The following PSMC2 variants were observed in gnomAD, a reference collection of about 807,000 sequenced individuals.
PSMC2 encodes proteasome 26S subunit, ATPase 2, also known as 26S proteasome regulatory subunit 7.
PSMC2 carries 7 observed loss-of-function variants against 53.3 expected under a neutral mutation model. The observed-to-expected ratio is 0.13, with a 90% CI of 0.07 to 0.25. The LOEUF is 0.25. Among genes scored for constraint, PSMC2 ranks in the 10% least tolerant of loss-of-function variants. The probability of loss-of-function intolerance (pLI) is 1.00; values close to 1 mark genes in which losing one functional copy is unlikely to be tolerated. For missense variants in PSMC2, 241 were observed against 544.0 expected (o/e 0.44, Z 5.54); for synonymous variants, 169 against 183.9 (o/e 0.92, Z 0.66).
chr7:103,362,209 G>T lies in PSMC2; in HGVS notation c.422+121G>T, dbSNP rs1157014055. The T allele has an allele frequency of 1.1e-5, 16 of 1,511,632 alleles. No homozygotes were observed. In the East Asian group the frequency reaches 3.4e-4, roughly 32 times the overall value. The allele number at this position is 1,511,632 out of a possible 1,614,324, so 93.6% of individuals were successfully genotyped here. On this transcript the variant is annotated intron_variant, in intron 5 of 11. Transcript: ENST00000292644. ...CCTTGGAATACCAAAGGATGATCTA[G>T]TAATGTACTATAGTTGAAAATTCTG... is the stretch of plus-strand genomic sequence containing the variant.
intron 7 of PSMC2, 22 bp from the exon 8 acceptor site, chr7:103,364,121 G>GAA (rs897454161): frequency 1.2e-6 from 2 of 1,609,028 alleles, no homozygotes; most frequent in Middle Eastern, 1.7e-4. Flanking sequence ...TGGTAAGTGT[G>GAA]AAAATTGTGT....
rs1394695050 is a variant in PSMC2, at chr7:103,367,004, C to CA, written c.845-408dup. ...ATTTTTAGTAGAGACGTGGTTTCAC[C>CA]ATGTTGGCCAGGCTGGTCTCGAACT... On this transcript the variant is annotated intron_variant, in intron 9 of 11. Transcript: ENST00000292644. This position sits in a 1 kb window ranked among gnomAD's most constrained non-coding sequence, Gnocchi z 6.1. Among the ~76,000 whole-genome samples, 1 of 152,110 alleles carries CA rather than the reference C, an allele frequency of 6.6e-6. No individual in the cohort carries two copies. Among genetic ancestry groups the CA allele is most frequent in the Non-Finnish European group, 1.5e-5 (1 of 68,026 alleles).
intron 9 of PSMC2, among the ~76,000 whole-genome samples, chr7:103,366,726 G>A (rs1370103313): frequency 6.6e-6 from 1 of 152,050 alleles, no homozygotes; most frequent in Non-Finnish European, 1.5e-5. Context: ...ATTGATGGTG[G>A]TTTTTCTTAG....
At chr7:103,365,195 T>C (rs1820647468) in intron 8 of PSMC2, among the ~76,000 whole-genome samples, 2 of 152,056 alleles carry the variant, frequency 1.3e-5, no homozygotes, top group South Asian at 4.1e-4. Flanking sequence ...GAATGGTTCC[T>C]TTATTTAACT....
chr7:103,354,064 T>A, intron 2 of PSMC2, 106 bp downstream of exon 2: 1 of 851,190 alleles, frequency 1.2e-6, no homozygotes, highest in Non-Finnish European at 1.8e-6. Flanking sequence ...AAACCAAAAA[T>A]TAAAAAACCA....
chr7:103,363,311 A>C lies in PSMC2; in HGVS notation c.496-33A>C, dbSNP rs749988106. The C allele has an allele frequency of 7.2e-6, 11 of 1,534,978 alleles. No homozygotes were observed. In the South Asian group the frequency reaches 1.1e-4, roughly 16 times the overall value. The stretch of plus-strand genomic sequence containing the variant: ...TTGGACAGTATCCAAAAAGCCTGTG[A>C]CTGTATGTTGTACATTTCTGTCCCT... On this transcript the variant is annotated intron_variant, in intron 6 of 11. Coordinates refer to ENST00000292644, the MANE Select transcript of PSMC2 (RefSeq NM_002803.4).
At chr7:103,364,071 T>G in intron 7 of PSMC2, 72 bp from the exon 8 acceptor site, 3 of 1,419,762 alleles carry the variant, frequency 2.1e-6, no homozygotes, top group Non-Finnish European at 1.9e-6. Context: ...TAAAAGCACT[T>G]TGTTGATTTA....
In PSMC2 at chr7:103,367,832, T is replaced by C. The variant is rs955214265; in HGVS notation, c.1144+23T>C. 3.7e-6 allele frequency: 6 copies of C among 1,612,022 alleles called. No individual in the cohort carries two copies. The highest frequency in any genetic ancestry group is 4.2e-6 in the Non-Finnish European group (5 of 1,179,118). Reference sequence around the variant, plus strand: ...CTGGTAAGTAGAAAGTTCTTGCTTATATTTGCTGGTCTGTCTGCTCAGGCT... The same window carrying C: ...CTGGTAAGTAGAAAGTTCTTGCTTACATTTGCTGGTCTGTCTGCTCAGGCT... On this transcript the variant is annotated intron_variant, in intron 11 of 11. Coordinates refer to ENST00000292644, the MANE Select transcript of PSMC2 (RefSeq NM_002803.4). The surrounding 1 kb of genome is among the most constrained non-coding windows in gnomAD (Gnocchi z 6.1).
intron 8 of PSMC2, among the ~76,000 whole-genome samples, chr7:103,365,194 CTTTAT>C (rs1358018643): frequency 1.3e-5 from 2 of 151,858 alleles, no homozygotes; most frequent in Non-Finnish European, 2.9e-5. Flanking sequence ...AGAATGGTTC[CTTTAT>C]TTAACTATTA....
At position 103,362,014 on chromosome 7, in the gene PSMC2, G is replaced by A; in HGVS notation, c.348G>A (p.Lys116=). The A allele has an allele frequency of 6.2e-7, 1 of 1,613,996 alleles. No individual in the cohort carries two copies. The highest frequency in any genetic ancestry group is 8.5e-7 in the Non-Finnish European group (1 of 1,179,952). Residue 116 remains lysine (K), a synonymous_variant, in exon 5 of 12, where the codon AAG becomes AAA. Transcript: ENST00000292644. ...ACCCAAAATACATTATCAACGTAAA[G>A]CAGTTTGCCAAGTTTGTGGTGGACC... ...SEDPKYIINV[K]QFAKFVVDLS...
At chr7:103,349,620 T>G (rs1428507743) in intron 1 of PSMC2, among the ~76,000 whole-genome samples, 1 of 152,140 alleles carries the variant, frequency 6.6e-6, no homozygotes, top group Non-Finnish European at 1.5e-5. Context: ...CAACTAATTT[T>G]TGCATTTTTA....
intron 4 of PSMC2, among the ~76,000 whole-genome samples, chr7:103,361,336 T>TAA (rs1170508055): frequency 0.047 from 5,633 of 120,770 alleles, 166 homozygotes; most frequent in African/African-American, 0.075. Context: ...CCCTCTCTAC[T>TAA]AAAAAAAAAA....
At chr7:103,352,734 A>T in intron 1 of PSMC2, 1 of 727,892 alleles carries the variant, frequency 1.4e-6, no homozygotes, top group South Asian at 1.5e-5. Context: ...ATCCTGGTAG[A>T]TTCATTTTTT....
chr7:103,347,546 T>A, upstream of PSMC2: 3 of 678,612 alleles, frequency 4.4e-6, no homozygotes, highest in Non-Finnish European at 5.1e-6. Context: ...AAAACCAGCG[T>A]GCCAAAGCGT....
At chr7:103,352,215 T>TAAAAAAAAAA (rs769618353) in intron 1 of PSMC2, among the ~76,000 whole-genome samples, 1 of 40,622 alleles carries the variant, frequency 2.5e-5, no homozygotes, top group Non-Finnish European at 4.3e-5. Context: ...CATACTTAGT[T>TAAAAAAAAAA]AAAAAAAAAA....
intron 6 of PSMC2, 50 bp downstream of exon 6, chr7:103,362,808 T>G: frequency 7.1e-7 from 1 of 1,411,598 alleles, no homozygotes; most frequent in Admixed American, 1.9e-5. Context: ...TTTTTTTTTT[T>G]TTTTTGAGGC....
chr7:103,355,044 G>A, intron 3 of PSMC2, 95 bp downstream of exon 3: 1 of 802,512 alleles, frequency 1.2e-6, no homozygotes, highest in Middle Eastern at 2.5e-4. Context: ...CATGATTACA[G>A]ATTTAAAAAA....
At chr7:103,363,270 G>A (rs1820518127) in intron 6 of PSMC2, 74 bp from the exon 7 acceptor site, 2 of 1,197,482 alleles carry the variant, frequency 1.7e-6, no homozygotes, top group Non-Finnish European at 1.2e-6. Context: ...AAGGTATTAG[G>A]TCTATTCTAT....
intron 1 of PSMC2, chr7:103,348,687 T>A: frequency 6.3e-7 from 1 of 1,590,508 alleles, no homozygotes; most frequent in East Asian, 2.2e-5. Context: ...ACCGGCACGG[T>A]CTGATCCGGA....
Sources: allele counts gnomAD v4.1 joint callset (sites outside exome capture counted in the v4.1 genomes callset), GRCh38; gene constraint gnomAD v4.1.1; non-coding constraint Gnocchi (gnomAD v3.1); transcripts MANE v1.5; gene names NCBI Gene and HGNC (gene_info 2026-07-23, HGNC 2026-07-21).